The following SMIM20 variants were observed in gnomAD, a reference collection of about 807,000 sequenced individuals.
SMIM20 encodes the protein mitochondrial translation regulation assembly intermediate of cytochrome c oxidase protein of 7 kDa.
A neutral mutation model predicts 8.7 loss-of-function variants in SMIM20; 3 were observed. The ratio of observed to expected loss-of-function variants is 0.34; its 90% confidence interval spans 0.16 to 0.89. SMIM20 has a LOEUF of 0.89. Ranked by LOEUF, SMIM20 falls within the 40% of genes least tolerant of loss-of-function variation. The pLI, the probability that SMIM20 is intolerant of heterozygous loss-of-function variation, is 0.49. For missense variants in SMIM20, 85 were observed against 84.8 expected (o/e 1.00, Z -0.01); for synonymous variants, 44 against 33.6 (o/e 1.31, Z -1.07).
intron 1 of SMIM20, among the ~76,000 whole-genome samples, chr4:25,916,459 G>A (rs1465121728): frequency 2.0e-5 from 3 of 152,016 alleles, no homozygotes; most frequent in Non-Finnish European, 2.9e-5. Context: ...TGATCCACCC[G>A]CCTTGGCCTC....
chr4:25,919,670 CT>C (rs1406443849), intron 1 of SMIM20, among the ~76,000 whole-genome samples: 1 of 152,126 alleles, frequency 6.6e-6, no homozygotes, highest in Non-Finnish European at 1.5e-5. Flanking sequence ...TCTATGCTTC[CT>C]TTTTTTCTTC....
In SMIM20 at chr4:25,918,478, A is replaced by G. The variant is rs529723420; in HGVS notation, c.109+4056A>G. ...ATCTCCACTGTTCTTCCCCATCTCT[A>G]TTTTATCTGATTTTATTGTGCTACC... On this transcript the variant is annotated intron_variant, in intron 1 of 2. Coordinates refer to ENST00000506197, the MANE Select transcript of SMIM20 (RefSeq NM_001145432.3). 2.0e-5 allele frequency among the ~76,000 whole-genome samples: 3 copies of G among 151,420 alleles called. No homozygotes were observed. In the South Asian group the frequency reaches 6.3e-4, roughly 32 times the overall value.
chr4:25,926,177 T>C (rs987879223), intron 1 of SMIM20, among the ~76,000 whole-genome samples: 4 of 152,250 alleles, frequency 2.6e-5, no homozygotes, highest in Non-Finnish European at 5.9e-5. Context: ...TTTCCAAAGA[T>C]AGGGAAATAG....
intron 1 of SMIM20, among the ~76,000 whole-genome samples, chr4:25,917,030 C>G (rs1180009993): frequency 1.3e-5 from 2 of 152,120 alleles, no homozygotes; most frequent in African/African-American, 4.8e-5. Context: ...TTTGTGGCAG[C>G]TGCTATATGA....
intron 1 of SMIM20, among the ~76,000 whole-genome samples, chr4:25,925,157 TGTATGGAA>T (rs1207663071): frequency 6.6e-5 from 10 of 152,232 alleles, no homozygotes; most frequent in Non-Finnish European, 8.8e-5. Flanking sequence ...ATATTCAACT[TGTATGGAA>T]TATACAGCCC....
At chr4:25,922,164 G>C (rs139445796) in intron 1 of SMIM20, among the ~76,000 whole-genome samples, 12 of 152,264 alleles carry the variant, frequency 7.9e-5, no homozygotes, top group African/African-American at 2.9e-4. Context: ...GAATGGCAAA[G>C]TTTCCAGCAG....
rs1197118132 is a variant in SMIM20 at position 25,929,229 on chromosome 4, C to A, written c.*38C>A. 6.4e-7 allele frequency: 1 copy of A among 1,550,716 alleles called. No individual in the cohort carries two copies. The highest frequency in any genetic ancestry group is 1.4e-5 in the African/African-American group (1 of 73,020). On this transcript the variant is annotated 3_prime_UTR_variant, in exon 3 of 3. Coordinates refer to ENST00000506197, the MANE Select transcript of SMIM20 (RefSeq NM_001145432.3). The stretch of plus-strand genomic sequence containing the variant: ...CAGCTCTGATTAAGAAAGGAGATTT[C>A]TTCATGCTTTCGATTCTGCATGGGG...
chr4:25,915,854 TGGGG>T, intron 1 of SMIM20, among the ~76,000 whole-genome samples: 1 of 18,968 alleles, frequency 5.3e-5, no homozygotes, highest in South Asian at 3.2e-3. Context: ...CAACTTGGGA[TGGGG>T]CGGGGGGGGG....
At chr4:25,914,951 C>T (rs1719054460) in intron 1 of SMIM20, among the ~76,000 whole-genome samples, 1 of 152,150 alleles carries the variant, frequency 6.6e-6, no homozygotes, top group South Asian at 2.1e-4. Context: ...AGAGCCTCCT[C>T]CAAGCACCCA....
At chr4:25,915,754 A>G (rs1338617037) in intron 1 of SMIM20, among the ~76,000 whole-genome samples, 1 of 149,508 alleles carries the variant, frequency 6.7e-6, no homozygotes, top group Non-Finnish European at 1.5e-5. Context: ...TGGAAAAGTC[A>G]GTTCTGAAAA....
chr4:25,925,440 T>C (rs1486323063), intron 1 of SMIM20, among the ~76,000 whole-genome samples: 2 of 152,100 alleles, frequency 1.3e-5, no homozygotes, highest in African/African-American at 2.4e-5. Flanking sequence ...TTTCGTCACG[T>C]TGGCCAGGCT....
intron 1 of SMIM20, among the ~76,000 whole-genome samples, chr4:25,925,575 G>A (rs1337061123): frequency 6.6e-6 from 1 of 152,172 alleles, no homozygotes; most frequent in East Asian, 1.9e-4. Flanking sequence ...AAGAAATAGG[G>A]AGGTAGGTTC....
At chr4:25,923,292 G>C (rs768604024) in intron 1 of SMIM20, among the ~76,000 whole-genome samples, 31 of 152,258 alleles carry the variant, frequency 2.0e-4, no homozygotes, top group Non-Finnish European at 5.9e-5. Context: ...GAACTAGACA[G>C]TGACCCTGAA....
At chr4:25,917,946 G>T (rs367720941) in intron 1 of SMIM20, among the ~76,000 whole-genome samples, 1,730 of 127,666 alleles carry the variant, frequency 0.014, 29 homozygotes, top group African/African-American at 0.04. Context: ...TTTTTTTTTT[G>T]TTTTTTTTTT....
chr4:25,922,598 G>A (rs1719219525), intron 1 of SMIM20, among the ~76,000 whole-genome samples: 1 of 152,170 alleles, frequency 6.6e-6, no homozygotes, highest in African/African-American at 2.4e-5. Flanking sequence ...AGCCACTCCT[G>A]TTAGCCTTTC....
chr4:25,928,155 T>C, intron 1 of SMIM20, 158 bp from the exon 2 acceptor site: 1 of 597,644 alleles, frequency 1.7e-6, no homozygotes, highest in Non-Finnish European at 2.7e-6. Context: ...GGATCTAACT[T>C]CCACAACCTA....
rs1711591438 is a variant in SMIM20, at chr4:25,929,468, A to G, written c.*277A>G. 5.1e-6 allele frequency: 2 copies of G among 393,764 alleles called. No homozygotes were observed. The allele number at this position is 393,764 out of a possible 1,614,324, so 24.4% of individuals were successfully genotyped here. ...AGCTATCTCACCCAGCTGGGTTTGG[A>G]GGAGCAATCTGCTTATTATTCTGTC... On this transcript the variant is annotated 3_prime_UTR_variant, in exon 3 of 3. Coordinates refer to ENST00000506197, the MANE Select transcript of SMIM20 (RefSeq NM_001145432.3).
intron 1 of SMIM20, among the ~76,000 whole-genome samples, chr4:25,926,524 C>A (rs2109366033): frequency 6.6e-6 from 1 of 152,366 alleles, no homozygotes; most frequent in South Asian, 2.1e-4. Context: ...TTCAGCCTTG[C>A]TTCAGCCTCA....
rs183973635 is a variant in SMIM20, at chr4:25,924,657, A to G, written c.110-3656A>G. ...ACAGATATAGTTATATGTACTATAT[A>G]TTATAATTATTACTGTTATTTTGTT... On this transcript the variant is annotated intron_variant, in intron 1 of 2. Coordinates refer to ENST00000506197, the MANE Select transcript of SMIM20 (RefSeq NM_001145432.3). 5.5e-4 allele frequency among the ~76,000 whole-genome samples: 84 copies of G among 152,286 alleles called. 1 individual carries two copies. The Middle Eastern group carries it at 0.017, about 31-fold the overall frequency.
Sources: allele counts gnomAD v4.1 joint callset (sites outside exome capture counted in the v4.1 genomes callset), GRCh38; gene constraint gnomAD v4.1.1; transcripts MANE v1.5; gene names NCBI Gene and HGNC (gene_info 2026-07-23, HGNC 2026-07-21).